The following SPAG17 variants were observed in gnomAD, a reference collection of about 807,000 sequenced individuals.
The protein encoded by SPAG17 is sperm associated antigen 17, also known as sperm-associated antigen 17.
Under a neutral mutation model 273.6 loss-of-function variants are expected in SPAG17, and 169 were observed. That is an observed-to-expected ratio of 0.62 (90% CI 0.55 to 0.70). The LOEUF is 0.70. SPAG17 is among the 30% of genes least tolerant of loss of function. The pLI is 0.00. For missense variants in SPAG17, 2,557 were observed against 2,627.8 expected, an observed-to-expected ratio of 0.97 and a Z score of 0.59; for synonymous variants, 825 against 873.2, an observed-to-expected ratio of 0.94 and a Z score of 0.97.
intron 18 of SPAG17, among the ~76,000 whole-genome samples, chr1:118,061,689 A>T (rs938091434): frequency 6.6e-6 from 1 of 152,234 alleles, no homozygotes; most frequent in South Asian, 2.1e-4. Context: ...GGGTATGTTT[A>T]GTACCTTGGT....
At chr1:118,043,220 A>C (rs922096808) in intron 20 of SPAG17, among the ~76,000 whole-genome samples, 6 of 152,224 alleles carry the variant, frequency 3.9e-5, no homozygotes, top group African/African-American at 9.6e-5. Flanking sequence ...AATTTTTGAA[A>C]AGGCAGTATT....
At chr1:118,103,805 GCAAGAGTCATA>G (rs1656218047) in intron 4 of SPAG17, among the ~76,000 whole-genome samples, 1 of 149,608 alleles carries the variant, frequency 6.7e-6, no homozygotes, top group Non-Finnish European at 1.5e-5. Context: ...GATCTCAAAG[GCAAGAGTCATA>G]CACATGAGAA....
rs770208571 is a variant in SPAG17, at chr1:118,031,753, C to T, written c.3548G>A (p.Gly1183Asp). 1.2e-6 allele frequency: 2 copies of T among 1,613,536 alleles called. No homozygotes were observed. Among genetic ancestry groups the T allele is most frequent in the Non-Finnish European group, 1.7e-6 (2 of 1,179,788 alleles). Residue 1183 changes from glycine (G) to aspartate (D), a missense_variant, in exon 25 of 49, where the codon GGC (glycine) becomes GAC (aspartate). Gly to Asp is a moderately conservative substitution (Grantham distance 94). Transcript: ENST00000336338. ...PQSKAKGKIK[G>D]KEKPKESLKE... is the part of the protein sequence containing the mutation. Reference sequence around the variant, plus strand: ...AAGGGATTCTTTGGGTTTTTCTTTGCCTTTTATTTTCCCTTTAGCTTTGCT... The same window carrying T: ...AAGGGATTCTTTGGGTTTTTCTTTGTCTTTTATTTTCCCTTTAGCTTTGCT...
At chr1:118,035,190 T>C (rs1648941255) in intron 24 of SPAG17, among the ~76,000 whole-genome samples, 1 of 152,122 alleles carries the variant, frequency 6.6e-6, no homozygotes, top group Non-Finnish European at 1.5e-5. Context: ...AAAAAACATA[T>C]AGGATGTAAA....
Position 117,996,758 on chromosome 1 carries a change from A to G in SPAG17, c.4777-15T>C, listed in dbSNP as rs768365269. On this transcript the variant is annotated splice_polypyrimidine_tract_variant and intron_variant, in intron 32 of 48. Coordinates refer to ENST00000336338, the MANE Select transcript of SPAG17 (RefSeq NM_206996.4). The stretch of plus-strand genomic sequence containing the variant: ...TCAGCCATGACCTAAGGGATAAAGT[A>G]TGTAAGCAACTAAAAGAAAAGAAAG... The G allele has an allele frequency of 1.3e-6, 2 of 1,578,266 alleles. No homozygotes were observed. The highest frequency in any genetic ancestry group is 2.4e-5 in the South Asian group (2 of 84,624).
chr1:118,010,943 A>C (rs1408544635), intron 30 of SPAG17, among the ~76,000 whole-genome samples: 1 of 152,204 alleles, frequency 6.6e-6, no homozygotes, highest in Non-Finnish European at 1.5e-5. Context: ...AAGAAGACAT[A>C]AACGTGGCCA....
At chr1:117,957,115 A>C in intron 48 of SPAG17, 1 of 1,611,084 alleles carries the variant, frequency 6.2e-7, no homozygotes, top group Non-Finnish European at 8.5e-7. Flanking sequence ...TATGTCCCAG[A>C]CATTCTTAAA....
Position 118,005,563 on chromosome 1 carries a change from C to A in SPAG17, c.4627G>T (p.Asp1543Tyr), listed in dbSNP as rs200816489. ...TCATGGCAGTACACAGCTGAACAAT[C>A]CTTGTCAATATAAAGAGAGCCTGTG... is the stretch of plus-strand genomic sequence containing the variant. ...PNTGSLYIDK[D>Y]CSAVYCHESS... The change falls in exon 32 of 49, where the codon GAT becomes TAT. Residue 1543 changes from aspartate (D) to tyrosine (Y), a missense_variant. By Grantham distance (160) the Asp-to-Tyr change is radical. Coordinates refer to ENST00000336338, the MANE Select transcript of SPAG17 (RefSeq NM_206996.4). 3 of 1,579,718 alleles carry A rather than the reference C, an allele frequency of 1.9e-6. No homozygotes were observed. Among genetic ancestry groups the A allele is most frequent in the Admixed American group, 1.8e-5 (1 of 54,976 alleles).
In SPAG17 at chr1:117,967,975, G is replaced by A. The variant is rs559949665; in HGVS notation, c.6388-1222C>T. ...AATGTTTCACAGTTTTTTCAACAAT[G>A]TACTTGTGAGCATATGCATACTGGA... On this transcript the variant is annotated intron_variant, in intron 46 of 48. Transcript: ENST00000336338. Among the ~76,000 whole-genome samples, 7 of 152,294 alleles carry A rather than the reference G, an allele frequency of 4.6e-5. No individual in the cohort carries two copies. In the East Asian group the frequency reaches 1.3e-3, roughly 29 times the overall value.
In SPAG17 at chr1:118,016,077, G is replaced by T; in HGVS notation, c.4175C>A (p.Thr1392Asn). The change falls in exon 29 of 49, where the codon ACC (threonine) becomes AAC (asparagine). Residue 1392 changes from threonine (T) to asparagine (N), a missense_variant. By Grantham distance (65) the Thr-to-Asn change is moderately conservative (BLOSUM62 0). Coordinates refer to ENST00000336338, the MANE Select transcript of SPAG17 (RefSeq NM_206996.4). ...TVTPVEVHIG[T>N]WFTTTPEGNR... ...TCCTTCAGGTGTGGTTGTAAACCAG[G>T]TGCCTATGTGAACCTCCACAGGAGT... 6.2e-7 allele frequency: 1 copy of T among 1,614,034 alleles called. No homozygotes were observed. Among genetic ancestry groups the T allele is most frequent in the Non-Finnish European group, 8.5e-7 (1 of 1,179,958 alleles).
intron 3 of SPAG17, among the ~76,000 whole-genome samples, chr1:118,132,918 C>T (rs1425408782): frequency 6.6e-6 from 1 of 151,454 alleles, no homozygotes; most frequent in African/African-American, 2.4e-5. Flanking sequence ...ACTACAGGTG[C>T]GTGCCACCAT....
chr1:118,103,051 G>C (rs1434670385), intron 4 of SPAG17, among the ~76,000 whole-genome samples: 2 of 152,202 alleles, frequency 1.3e-5, no homozygotes, highest in Non-Finnish European at 2.9e-5. Context: ...GTGGAGGCAG[G>C]TACAGACTAT....
In SPAG17 at chr1:117,953,875, C is replaced by A; in HGVS notation, c.*175G>T. ...ATGTCTTTAAATGCTTTTTGGCACT[C>A]TATTCGCACGTCTTTATTAAACAGA... On this transcript the variant is annotated 3_prime_UTR_variant, in exon 49 of 49. Coordinates refer to ENST00000336338, the MANE Select transcript of SPAG17 (RefSeq NM_206996.4). The A allele has an allele frequency of 1.3e-6, 1 of 747,160 alleles. No homozygotes were observed. The highest frequency in any genetic ancestry group is 2.8e-5 in the Admixed American group (1 of 35,144). 46.3% of individuals were successfully genotyped at this position (747,160 alleles called of 1,614,324 possible).
chr1:118,029,140 C>T (rs1648126401), intron 25 of SPAG17, among the ~76,000 whole-genome samples: 1 of 152,068 alleles, frequency 6.6e-6, no homozygotes, highest in African/African-American at 2.4e-5. Context: ...GTCCCAGCTA[C>T]TTGGGATGCT....
Position 118,054,049 on chromosome 1 carries a change from CT to C in SPAG17, c.2766del (p.Glu923LysfsTer11). ...AAAGGAATCTTTTCCTTCTCTTTTTCTTTTTCTTGATCTGATATCTCTGTTT... is the reference window on the plus strand; with the variant it reads ...AAAGGAATCTTTTCCTTCTCTTTTTCTTTTCTTGATCTGATATCTCTGTTT... ...ISKTEISDQE[K>X]EKEKEKIPFI... On this transcript the variant is annotated frameshift_variant, in exon 20 of 49. Transcript: ENST00000336338. LOFTEE classifies it high-confidence loss of function. The C allele has an allele frequency of 6.2e-7, 1 of 1,608,300 alleles. No homozygotes were observed. The highest frequency in any genetic ancestry group is 8.5e-7 in the Non-Finnish European group (1 of 1,177,326).
chr1:118,018,996 C>A (rs1660237890), intron 28 of SPAG17, among the ~76,000 whole-genome samples: 1 of 144,912 alleles, frequency 6.9e-6, no homozygotes, highest in African/African-American at 2.6e-5. Flanking sequence ...ATCATGCCAC[C>A]ACACTCCAGC....
intron 18 of SPAG17, among the ~76,000 whole-genome samples, chr1:118,062,277 G>T (rs1426800425): frequency 2.8e-5 from 4 of 144,996 alleles, no homozygotes; most frequent in Non-Finnish European, 6.0e-5. Context: ...TGAGGCAGGA[G>T]AATGGCACGA....
intron 48 of SPAG17, chr1:117,955,241 G>A: frequency 7.7e-7 from 1 of 1,297,932 alleles, no homozygotes; most frequent in Admixed American, 2.1e-5. Flanking sequence ...CTGTTTTATA[G>A]GAGATAGAAA....
chr1:117,996,413 T>G lies in SPAG17; in HGVS notation c.5010A>C (p.Glu1670Asp), dbSNP rs373252642. The change falls in exon 34 of 49, where the codon GAA becomes GAC. Residue 1670 changes from glutamate to aspartate, a missense_variant. Transcript: ENST00000336338. ...GCTCTTGGAGAACAACAGTATTTGA[T>G]TCTTTATATGCCAAAGATAGATATT... ...IEEYLSLAYK[E>D]SNTVVLQEPV... is the part of the protein sequence containing the mutation. The G allele has an allele frequency of 4.7e-5, 76 of 1,613,058 alleles. No individual in the cohort carries two copies. Among genetic ancestry groups the G allele is most frequent in the Non-Finnish European group, 6.0e-5 (71 of 1,179,376 alleles).
Sources: gnomAD v4.1 joint callset for allele counts (sites outside exome capture counted in the v4.1 genomes callset) on GRCh38, gnomAD v4.1.1 for gene constraint, MANE v1.5 for transcripts, NCBI Gene and HGNC (gene_info 2026-07-23, HGNC 2026-07-21) for gene names.